EYS: variants seen among roughly 807,000 people sequenced by gnomAD.
EYS encodes EGF-like photoreceptor maintenance factor.
EYS carries 250 observed loss-of-function variants against 282.1 expected under a neutral mutation model. That is an observed-to-expected ratio of 0.89 (90% CI 0.80 to 0.98). The LOEUF is 0.98. EYS is among the 50% of genes least tolerant of loss of function. EYS has a pLI of 0.00. For synonymous variants in EYS, 1,355 were observed against 1,282.9 expected, an observed-to-expected ratio of 1.06 and a Z score of -1.20; for missense variants, 4,016 against 3,709.0, an observed-to-expected ratio of 1.08 and a Z score of -2.15.
rs1772491216 is a variant in EYS, at chr6:65,028,471, A to ATATAGT, written c.2137+29142_2137+29143insACTATA. On this transcript the variant is annotated intron_variant, in intron 13 of 42. Transcript: ENST00000503581. ...ACATCATCATAGTACAATTACAAAA[A>ATATAGT]CCAATACTATTGACTATAGTTAATA... 2.6e-5 allele frequency among the ~76,000 whole-genome samples: 4 copies of ATATAGT among 152,142 alleles called. No individual in the cohort carries two copies. In the South Asian group the frequency reaches 8.3e-4, roughly 31 times the overall value.
chr6:64,082,057 T>C, intron 31 of EYS, 55 bp from the exon 32 acceptor site: 1 of 1,222,124 alleles, frequency 8.2e-7, no homozygotes, highest in East Asian at 2.6e-5. Flanking sequence ...GCTACTCAAG[T>C]AGATAAAAAC....
chr6:64,108,720 A>C (rs949953947), intron 31 of EYS, among the ~76,000 whole-genome samples: 2 of 149,202 alleles, frequency 1.3e-5, no homozygotes, highest in South Asian at 4.2e-4. Context: ...CCTGACTGCC[A>C]TGGTCCCACT....
rs569350996 is a variant in EYS at position 64,675,691 on chromosome 6, G to A, written c.3444-49446C>T. ...GATCCGCCCACCTTGGCCTCCCAAA[G>A]TGCTGGGATTACAGGCATGAGCCAC... On this transcript the variant is annotated intron_variant, in intron 22 of 42. Coordinates refer to ENST00000503581, the MANE Select transcript of EYS (RefSeq NM_001142800.2). Among the ~76,000 whole-genome samples the A allele has an allele frequency of 3.3e-5, 5 of 151,888 alleles. No homozygotes were observed. The South Asian group carries it at 8.3e-4, about 25-fold the overall frequency.
chr6:64,965,772 C>T (rs1209306999), intron 14 of EYS, among the ~76,000 whole-genome samples: 1 of 152,022 alleles, frequency 6.6e-6, no homozygotes, highest in African/African-American at 2.4e-5. Flanking sequence ...ATTTTAGATA[C>T]ATATATTAAG....
chr6:64,597,036 A>G (rs1766607306), intron 24 of EYS, among the ~76,000 whole-genome samples: 1 of 152,116 alleles, frequency 6.6e-6, no homozygotes, highest in Non-Finnish European at 1.5e-5. Flanking sequence ...TAACCCCATC[A>G]AAAAAAGTGG....
chr6:64,008,170 A>G (rs1310780548), intron 33 of EYS, among the ~76,000 whole-genome samples: 1 of 152,164 alleles, frequency 6.6e-6, no homozygotes, highest in Non-Finnish European at 1.5e-5. Context: ...TGATAGGTGC[A>G]TATATATTTA....
At chr6:63,802,696 T>C (rs1770809765) in intron 37 of EYS, among the ~76,000 whole-genome samples, 1 of 151,818 alleles carries the variant, frequency 6.6e-6, no homozygotes, top group African/African-American at 2.4e-5. Flanking sequence ...TATTGTATAT[T>C]GAAACATCAC....
At chr6:64,927,563 C>G (rs183987091) in intron 15 of EYS, among the ~76,000 whole-genome samples, 11 of 152,126 alleles carry the variant, frequency 7.2e-5, no homozygotes, top group Admixed American at 6.5e-4. Flanking sequence ...ACTGAACAAC[C>G]CTTTCATCAC....
chr6:65,369,147 A>G (rs1336026936), intron 8 of EYS, among the ~76,000 whole-genome samples: 1 of 150,504 alleles, frequency 6.6e-6, no homozygotes, highest in Non-Finnish European at 1.5e-5. Flanking sequence ...TAGAGGAAAA[A>G]AATCAAGCAA....
intron 40 of EYS, among the ~76,000 whole-genome samples, chr6:63,774,288 C>G (rs1310703047): frequency 6.6e-6 from 1 of 152,088 alleles, no homozygotes; most frequent in African/African-American, 2.4e-5. Flanking sequence ...CCTGCCTCAG[C>G]CTCCCAGGTA....
intron 30 of EYS, among the ~76,000 whole-genome samples, chr6:64,296,988 A>G (rs1252203768): frequency 6.6e-6 from 1 of 152,142 alleles, no homozygotes; most frequent in Non-Finnish European, 1.5e-5. Context: ...TCTAAATTAA[A>G]TTGTGATTAA....
intron 24 of EYS, 149 bp downstream of exon 24, chr6:64,617,269 C>A (rs900963858): frequency 5.0e-6 from 3 of 600,336 alleles, no homozygotes; most frequent in Admixed American, 5.9e-5. Flanking sequence ...AAGAGGAATG[C>A]CGAGAAAAGT....
intron 19 of EYS, among the ~76,000 whole-genome samples, chr6:64,880,384 T>G (rs1766876134): frequency 6.6e-6 from 1 of 151,880 alleles, no homozygotes; most frequent in Non-Finnish European, 1.5e-5. Context: ...AAAGCTTCTT[T>G]TTTGCTTTAC....
chr6:64,907,172 G>A (rs1767855277), intron 16 of EYS, among the ~76,000 whole-genome samples: 1 of 152,056 alleles, frequency 6.6e-6, no homozygotes, highest in Non-Finnish European at 1.5e-5. Context: ...TCCTGCTTTA[G>A]CCTCCTGAAC....
chr6:64,395,813 A>G (rs191494695), intron 28 of EYS, among the ~76,000 whole-genome samples: 228 of 152,174 alleles, frequency 1.5e-3, no homozygotes, highest in Non-Finnish European at 2.5e-3. Flanking sequence ...ACAAAAAAAC[A>G]AAATAATAGT....
At chr6:64,004,691 C>T (rs191858920) in intron 33 of EYS, among the ~76,000 whole-genome samples, 1 of 152,142 alleles carries the variant, frequency 6.6e-6, no homozygotes, top group Non-Finnish European at 1.5e-5. Context: ...ATATTTACCT[C>T]CCACTTGTAA....
At chr6:64,254,199 CA>C (rs1302087493) in intron 30 of EYS, among the ~76,000 whole-genome samples, 2 of 152,034 alleles carry the variant, frequency 1.3e-5, no homozygotes, top group Non-Finnish European at 2.9e-5. Flanking sequence ...GCTACAATAC[CA>C]CTCTCAAGAA....
intron 35 of EYS, among the ~76,000 whole-genome samples, chr6:63,895,905 GTTTTT>G (rs10705427): frequency 6.3e-4 from 78 of 124,336 alleles, no homozygotes; most frequent in Admixed American, 1.1e-3. Flanking sequence ...ATCATGATTT[GTTTTT>G]TTTTTTTTTT....
chr6:64,800,864 A>G (rs1449207513), intron 22 of EYS, among the ~76,000 whole-genome samples: 1 of 152,064 alleles, frequency 6.6e-6, no homozygotes, highest in African/African-American at 2.4e-5. Flanking sequence ...GAAAATAATG[A>G]ACAAAAGGAC....
Sources: allele counts gnomAD v4.1 joint callset (sites outside exome capture counted in the v4.1 genomes callset), GRCh38; gene constraint gnomAD v4.1.1; transcripts MANE v1.5; gene names NCBI Gene and HGNC (gene_info 2026-07-23, HGNC 2026-07-21).